The following FAM13B variants were observed in gnomAD, a reference collection of about 807,000 sequenced individuals.
The protein encoded by FAM13B is protein FAM13B.
A neutral mutation model predicts 117.3 loss-of-function variants in FAM13B; 60 were observed. The ratio of observed to expected loss-of-function variants is 0.51; its 90% CI spans 0.42 to 0.63. The LOEUF (loss-of-function observed/expected upper bound fraction) is 0.63, where lower values mean the gene tolerates loss of function less well. FAM13B is among the 30% of genes least tolerant of loss of function. The probability of loss-of-function intolerance (pLI) is 0.00; values close to 1 mark genes in which losing one functional copy is unlikely to be tolerated. For synonymous variants in FAM13B, 332 were observed against 356.1 expected (o/e 0.93, Z 0.76); for missense variants, 972 against 1,091.9 (o/e 0.89, Z 1.55).
intron 17 of FAM13B, among the ~76,000 whole-genome samples, chr5:137,950,728 A>G (rs1203828965): frequency 6.6e-6 from 1 of 152,144 alleles, no homozygotes; most frequent in Non-Finnish European, 1.5e-5. Context: ...CAGACGGACT[A>G]CAGAGCAGTA....
chr5:138,025,999 A>C (rs529804333), intron 1 of FAM13B, among the ~76,000 whole-genome samples: 3 of 152,350 alleles, frequency 2.0e-5, no homozygotes, highest in African/African-American at 7.2e-5. Context: ...ATTAGTAGTA[A>C]GGGGCTTTTA....
chr5:137,946,636 C>T (rs954828460), intron 18 of FAM13B, among the ~76,000 whole-genome samples: 8 of 152,186 alleles, frequency 5.3e-5, no homozygotes, highest in Non-Finnish European at 4.4e-5. Flanking sequence ...GGGAATACTT[C>T]GTTCTACCTT....
At chr5:137,957,540 C>CAAAAAAAAAA (rs35104775) in intron 13 of FAM13B, among the ~76,000 whole-genome samples, 1 of 55,432 alleles carries the variant, frequency 1.8e-5, no homozygotes. Flanking sequence ...AACTCCGTCT[C>CAAAAAAAAAA]AAAAAAAAAA....
intron 7 of FAM13B, among the ~76,000 whole-genome samples, chr5:138,002,010 T>A (rs1367570117): frequency 6.6e-6 from 1 of 152,130 alleles, no homozygotes; most frequent in East Asian, 1.9e-4. Flanking sequence ...TTTAAGAATT[T>A]TGGCTCCTTC....
At chr5:137,946,340 T>C in intron 18 of FAM13B, 29 bp from the exon 19 acceptor site, 2 of 1,219,540 alleles carry the variant, frequency 1.6e-6, no homozygotes, top group South Asian at 4.2e-5. Context: ...AATAACAAAA[T>C]ACAAAAAAAA....
chr5:138,019,980 G>C, intron 2 of FAM13B: 1 of 978,592 alleles, frequency 1.0e-6, no homozygotes, highest in Non-Finnish European at 1.2e-6. Flanking sequence ...CACCCGGCCT[G>C]TAATACATTT....
chr5:138,049,589 T>C (rs958345592), intron 1 of FAM13B, among the ~76,000 whole-genome samples: 9 of 152,174 alleles, frequency 5.9e-5, no homozygotes, highest in Non-Finnish European at 8.8e-5. Context: ...GATACATTTC[T>C]TAACTCCATG....
chr5:137,959,666 C>A lies in FAM13B; in HGVS notation c.1391G>T (p.Ser464Ile). The A allele has an allele frequency of 1.2e-6, 2 of 1,613,988 alleles. No individual in the cohort carries two copies. Among genetic ancestry groups the A allele is most frequent in the Non-Finnish European group, 1.7e-6 (2 of 1,179,876 alleles). ...VGVQGEAACVSIPHLDLKNVS... is the reference protein window; with the variant it reads ...VGVQGEAACVIIPHLDLKNVS... ...ATTCTTCAGATCTAAATGTGGAATACTGACACACGCTGCTTCCCCTTGAAC... is the reference window on the plus strand; with the variant it reads ...ATTCTTCAGATCTAAATGTGGAATAATGACACACGCTGCTTCCCCTTGAAC... The change falls in exon 13 of 24, where the codon AGT becomes ATT. Residue 464 changes from serine (S) to isoleucine (I), a missense_variant. Coordinates refer to ENST00000689681, the MANE Select transcript of FAM13B (RefSeq NM_001385994.1).
rs775575568 is a variant in FAM13B at position 137,942,947 on chromosome 5, T to A, written c.2516A>T (p.Glu839Val). ...VQVQSSLENS[E>V]SDVEENQEKL... ...TTCTTGATTTTCTTCAACATCAGAT[T>A]CAGAGTTTTCTAATGAAGACTGTAC... The change falls in exon 22 of 24, where the codon GAA (glutamate) becomes GTA (valine). Residue 839 changes from glutamate to valine, a missense_variant. Physicochemically the swap from Glu to Val is moderately radical, Grantham distance 121 (BLOSUM62 -2). Transcript: ENST00000689681. 1.2e-6 allele frequency: 2 copies of A among 1,613,822 alleles called. No homozygotes were observed. Among genetic ancestry groups the A allele is most frequent in the Admixed American group, 3.3e-5 (2 of 59,942 alleles).
At chr5:138,019,660 C>T (rs1413071635) in intron 2 of FAM13B, among the ~76,000 whole-genome samples, 1 of 148,812 alleles carries the variant, frequency 6.7e-6, no homozygotes, top group East Asian at 2.0e-4. Flanking sequence ...CTTATTTCTA[C>T]ATGATAAAGC....
rs915592649 is a variant in FAM13B at position 138,030,713 on chromosome 5, C to G, written c.-203+2069G>C. ...TGGGCAACAAGAATGAAACTCCGTC[C>G]CCCCCCCCCAAAAAAAAAAATTGAA... is the stretch of plus-strand genomic sequence containing the variant. On this transcript the variant is annotated intron_variant, in intron 1 of 23. Coordinates refer to ENST00000689681, the MANE Select transcript of FAM13B (RefSeq NM_001385994.1). 6.1e-5 allele frequency among the ~76,000 whole-genome samples: 8 copies of G among 132,030 alleles called. 1 individual carries two copies. The highest frequency in any genetic ancestry group is 2.0e-4 in the African/African-American group (7 of 35,612). The allele number at this position is 132,030 out of a possible 152,430, so 86.6% of individuals were successfully genotyped here.
chr5:138,001,708 G>C lies in FAM13B; in HGVS notation c.848+5282C>G, dbSNP rs558905086. ...TAACAGTTATGAACAAAACAGAACA[G>C]GGTAAGGGAGATCAAGAATGGAGGA... On this transcript the variant is annotated intron_variant, in intron 7 of 23. Transcript: ENST00000689681. Among the ~76,000 whole-genome samples, 11 of 152,314 alleles carry C rather than the reference G, an allele frequency of 7.2e-5. 1 individual carries two copies. The highest frequency in any genetic ancestry group is 3.4e-3 in the Middle Eastern group (1 of 294).
chr5:137,970,053 A>G (rs1209466975), intron 10 of FAM13B, among the ~76,000 whole-genome samples: 4 of 152,190 alleles, frequency 2.6e-5, no homozygotes, highest in Non-Finnish European at 5.9e-5. Context: ...ATTATCCAGG[A>G]GAACTTCCCC....
At chr5:138,007,921 T>C (rs1486308458) in intron 6 of FAM13B, among the ~76,000 whole-genome samples, 1 of 152,230 alleles carries the variant, frequency 6.6e-6, no homozygotes, top group Non-Finnish European at 1.5e-5. Flanking sequence ...CATTAAAGAC[T>C]CTGAGCAATG....
intron 10 of FAM13B, among the ~76,000 whole-genome samples, chr5:137,966,486 T>TAGAGAGAGAGAG (rs1244578551): frequency 2.0e-3 from 86 of 43,992 alleles, no homozygotes; most frequent in African/African-American, 2.9e-3. Context: ...TATATATATA[T>TAGAGAGAGAGAG]ATAGAGAGAG....
intron 23 of FAM13B, among the ~76,000 whole-genome samples, chr5:137,940,966 C>T (rs1449686926): frequency 2.6e-5 from 4 of 152,120 alleles, no homozygotes; most frequent in Non-Finnish European, 4.4e-5. Flanking sequence ...AGTGCAGTGG[C>T]GACATCTCAG....
intron 10 of FAM13B, among the ~76,000 whole-genome samples, chr5:137,970,902 A>T (rs1047813503): frequency 0.011 from 1,723 of 152,166 alleles, 27 homozygotes; most frequent in African/African-American, 0.04. Context: ...ATTCAACAAG[A>T]AGAGCTAACT....
At chr5:137,980,508 T>C (rs1775409225) in intron 10 of FAM13B, among the ~76,000 whole-genome samples, 1 of 149,236 alleles carries the variant, frequency 6.7e-6, no homozygotes, top group African/African-American at 2.5e-5. Flanking sequence ...AGTGGCACGA[T>C]CTCAGCTCAC....
intron 1 of FAM13B, among the ~76,000 whole-genome samples, chr5:138,025,533 A>G (rs1407338863): frequency 6.6e-6 from 1 of 152,044 alleles, no homozygotes; most frequent in Non-Finnish European, 1.5e-5. Flanking sequence ...AAGAAAGTGC[A>G]TCTTCATACA....
Sources: gnomAD v4.1 joint callset for allele counts (sites outside exome capture counted in the v4.1 genomes callset) on GRCh38, gnomAD v4.1.1 for gene constraint, MANE v1.5 for transcripts, NCBI Gene and HGNC (gene_info 2026-07-23, HGNC 2026-07-21) for gene names.